CACNB2: variants seen among roughly 807,000 people sequenced by gnomAD.
CACNB2 encodes voltage-dependent L-type calcium channel subunit beta-2.
A neutral mutation model predicts 73.3 loss-of-function variants in CACNB2; 42 were observed. The ratio of observed to expected loss-of-function variants is 0.57; its 90% CI spans 0.45 to 0.74. The LOEUF (loss-of-function observed/expected upper bound fraction) is 0.74. Ranked by LOEUF, CACNB2 falls within the 30% of genes least tolerant of loss-of-function variation. The pLI is 0.00. For missense variants in CACNB2, 940 were observed against 853.0 expected, an observed-to-expected ratio of 1.10 and a Z score of -1.27; for synonymous variants, 348 against 310.3, an observed-to-expected ratio of 1.12 and a Z score of -1.28.
intron 2 of CACNB2, among the ~76,000 whole-genome samples, chr10:18,220,228 T>TGGGGGG (rs1564353844): frequency 2.4e-5 from 1 of 40,936 alleles, no homozygotes; most frequent in East Asian, 9.2e-4. Flanking sequence ...TATATATATA[T>TGGGGGG]ATATAGAGAG....
rs529838004 is a variant in CACNB2 at position 18,433,020 on chromosome 10, G to A, written c.333+30977G>A. ...ACTGCCCAAATATCGCTTCCCTTTG[G>A]GCTTCCTGTTTCTGTGTTTACATTT... is the stretch of plus-strand genomic sequence containing the variant. On this transcript the variant is annotated intron_variant, in intron 3 of 13. Coordinates refer to ENST00000324631, the MANE Select transcript of CACNB2 (RefSeq NM_201596.3). Among the ~76,000 whole-genome samples the A allele has an allele frequency of 2.6e-5, 4 of 151,864 alleles. No individual in the cohort carries two copies. In the South Asian group the frequency reaches 6.3e-4, roughly 24 times the overall value.
At chr10:18,281,173 T>C (rs958653135) in intron 2 of CACNB2, among the ~76,000 whole-genome samples, 2 of 152,180 alleles carry the variant, frequency 1.3e-5, no homozygotes, top group Non-Finnish European at 2.9e-5. Context: ...TACTCATTAG[T>C]GTTGGACAAT....
rs562483329 is a variant in CACNB2, at chr10:18,460,102, A to C, written c.334-38253A>C. ...TATGTATATGTCCATACATATATAC[A>C]CACGTACACACATATTCTCAAATGG... On this transcript the variant is annotated intron_variant, in intron 3 of 13. Coordinates refer to ENST00000324631, the MANE Select transcript of CACNB2 (RefSeq NM_201596.3). Among the ~76,000 whole-genome samples the C allele has an allele frequency of 7.8e-4, 119 of 152,356 alleles. 1 individual carries two copies. Among genetic ancestry groups the C allele is most frequent in the African/African-American group, 2.7e-3 (114 of 41,592 alleles).
At chr10:18,513,768 T>C (rs2051005895) in intron 6 of CACNB2, 2 of 235,468 alleles carry the variant, frequency 8.5e-6, no homozygotes, top group South Asian at 1.1e-4. Context: ...TAAGAATGTA[T>C]TCCAATATCA....
chr10:18,217,594 G>A (rs774584635), intron 2 of CACNB2, among the ~76,000 whole-genome samples: 1 of 152,020 alleles, frequency 6.6e-6, no homozygotes, highest in Non-Finnish European at 1.5e-5. Flanking sequence ...AAGTCAGAGT[G>A]TGTATTTCCA....
At chr10:18,460,395 A>G (rs148228044) in intron 3 of CACNB2, among the ~76,000 whole-genome samples, 1 of 152,130 alleles carries the variant, frequency 6.6e-6, no homozygotes, top group Non-Finnish European at 1.5e-5. Context: ...ATCACTTACA[A>G]CATTTATACA....
intron 2 of CACNB2, among the ~76,000 whole-genome samples, chr10:18,399,738 A>C (rs1379915519): frequency 6.6e-6 from 1 of 152,150 alleles, no homozygotes; most frequent in Non-Finnish European, 1.5e-5. Context: ...TTTGTACAAA[A>C]TATTCTCCCA....
At chr10:18,410,973 C>T (rs958918664) in intron 3 of CACNB2, among the ~76,000 whole-genome samples, 5 of 151,842 alleles carry the variant, frequency 3.3e-5, no homozygotes, top group East Asian at 1.9e-4. Flanking sequence ...GAGCAAGACT[C>T]CATTTAAAAA....
intron 1 of CACNB2, among the ~76,000 whole-genome samples, chr10:18,150,555 C>T (rs879514948): frequency 5.3e-5 from 8 of 152,094 alleles, no homozygotes; most frequent in South Asian, 2.1e-4. Flanking sequence ...CCCAGCTATG[C>T]GGGAGGCTGA....
At chr10:18,333,442 TAA>T (rs59709475) in intron 2 of CACNB2, among the ~76,000 whole-genome samples, 1 of 146,670 alleles carries the variant, frequency 6.8e-6, no homozygotes, top group Non-Finnish European at 1.5e-5. Flanking sequence ...TTGTTAATGT[TAA>T]AAAAAAAAAA....
At chr10:18,324,487 A>T (rs76105158) in intron 2 of CACNB2, among the ~76,000 whole-genome samples, 2,789 of 152,370 alleles carry the variant, frequency 0.018, 33 homozygotes, top group Middle Eastern at 0.037. Context: ...AAATAAGCCA[A>T]TTGGGAAGTC....
intron 1 of CACNB2, among the ~76,000 whole-genome samples, chr10:18,143,504 G>A (rs1460027772): frequency 6.6e-6 from 1 of 152,200 alleles, no homozygotes; most frequent in Non-Finnish European, 1.5e-5. Context: ...ATATTCAACT[G>A]CATCAACATT....
At chr10:18,500,995 C>G (rs185330033) in intron 5 of CACNB2, 47 bp downstream of exon 5, 1,154 of 1,556,648 alleles carry the variant, frequency 7.4e-4, no homozygotes, top group Admixed American at 1.4e-3. Flanking sequence ...GATTATACCA[C>G]TATCTGTGTA....
intron 3 of CACNB2, among the ~76,000 whole-genome samples, chr10:18,428,847 A>C (rs1487939013): frequency 2.0e-5 from 3 of 152,244 alleles, no homozygotes; most frequent in Non-Finnish European, 4.4e-5. Flanking sequence ...TAACCAGTTA[A>C]GGACTTTGGA....
intron 3 of CACNB2, among the ~76,000 whole-genome samples, chr10:18,472,306 G>T (rs28422908): frequency 0.048 from 6,644 of 139,272 alleles, 244 homozygotes; most frequent in African/African-American, 0.11. Flanking sequence ...CTGGGATCTC[G>T]GCTCACTGCA....
chr10:18,186,833 A>G (rs2034176232), intron 2 of CACNB2, among the ~76,000 whole-genome samples: 1 of 152,204 alleles, frequency 6.6e-6, no homozygotes, highest in Non-Finnish European at 1.5e-5. Context: ...GATCCAAACC[A>G]TATCACTTAC....
At position 18,450,056 on chromosome 10, in the gene CACNB2, C is replaced by T. The variant is rs535665083; in HGVS notation, c.333+48013C>T. 1.5e-4 allele frequency among the ~76,000 whole-genome samples: 23 copies of T among 152,326 alleles called. No individual in the cohort carries two copies. The South Asian group carries it at 4.1e-3, about 27-fold the overall frequency. On this transcript the variant is annotated intron_variant, in intron 3 of 13. Transcript: ENST00000324631. ...AACAAATCTCTTCAGTGGAAAAGTTCTGCTGTTTCCTCTGTATATCCCTTG... is the reference window on the plus strand; with the variant it reads ...AACAAATCTCTTCAGTGGAAAAGTTTTGCTGTTTCCTCTGTATATCCCTTG...
At chr10:18,488,892 C>A (rs2049235729) in intron 3 of CACNB2, among the ~76,000 whole-genome samples, 1 of 150,350 alleles carries the variant, frequency 6.7e-6, no homozygotes, top group African/African-American at 2.5e-5. Context: ...AAAAAAAAAT[C>A]TTCAGCCGGG....
At chr10:18,403,975 G>T (rs1267473253) in intron 3 of CACNB2, among the ~76,000 whole-genome samples, 1 of 151,822 alleles carries the variant, frequency 6.6e-6, no homozygotes, top group Non-Finnish European at 1.5e-5. Context: ...ATAACTTAAA[G>T]AATGTAATTG....
Sources: gnomAD v4.1 joint callset for allele counts (sites outside exome capture counted in the v4.1 genomes callset) on GRCh38, gnomAD v4.1.1 for gene constraint, MANE v1.5 for transcripts, NCBI Gene and HGNC (gene_info 2026-07-23, HGNC 2026-07-21) for gene names.